Variants in UBE2D4 observed in about 807,000 individuals in gnomAD.
The protein encoded by UBE2D4 is ubiquitin-conjugating enzyme E2 D4.
Under a neutral mutation model 23.0 loss-of-function variants are expected in UBE2D4, and 17 were observed. The observed-to-expected ratio is 0.74, with a 90% CI of 0.51 to 1.11. The LOEUF is 1.11. Among genes scored for constraint, UBE2D4 ranks in the 50% least tolerant of loss-of-function variants. The pLI is 0.00. For missense variants in UBE2D4, 139 were observed against 181.8 expected (o/e 0.76, Z 1.35); for synonymous variants, 61 against 69.4 (o/e 0.88, Z 0.60).
At chr7:43,932,488 T>G (rs1414737008) in intron 1 of UBE2D4, among the ~76,000 whole-genome samples, 1 of 152,148 alleles carries the variant, frequency 6.6e-6, no homozygotes. Context: ...ACATGTACTT[T>G]AAAGAAAATT....
At chr7:43,941,815 A>T (rs1004945269) in intron 2 of UBE2D4, 1 of 152,228 alleles carries the variant, frequency 6.6e-6, no homozygotes, top group Non-Finnish European at 1.5e-5. Context: ...ACAGTGTCTC[A>T]CGCCTGTAAT....
At chr7:43,932,828 AT>A (rs1431801375) in intron 1 of UBE2D4, among the ~76,000 whole-genome samples, 1 of 150,910 alleles carries the variant, frequency 6.6e-6, no homozygotes, top group Non-Finnish European at 1.5e-5. Context: ...TAATAAAAAA[AT>A]AATAATAGAA....
At chr7:43,948,778 A>G (rs745781971) in intron 5 of UBE2D4, 41 bp downstream of exon 5, 2 of 1,464,774 alleles carry the variant, frequency 1.4e-6, no homozygotes, top group East Asian at 2.3e-5. Flanking sequence ...TCTTTTACAC[A>G]TGTTTTTACC....
chr7:43,950,580 CCTTTT>C lies in UBE2D4; in HGVS notation c.305-10_305-6del, dbSNP rs752320291. On this transcript the variant is annotated splice_polypyrimidine_tract_variant and intron_variant, in intron 5 of 6. Coordinates refer to ENST00000222402, the MANE Select transcript of UBE2D4 (RefSeq NM_015983.4). ...CAGCTTCGTGGCTACAGCTGACCAACCTTTTCTTTTCTTCCCAGTTCTCTTGTCCA... is the reference window on the plus strand; with the variant it reads ...CAGCTTCGTGGCTACAGCTGACCAACCTTTTCTTCCCAGTTCTCTTGTCCA... The C allele has an allele frequency of 4.4e-5, 71 of 1,611,424 alleles. No individual in the cohort carries two copies. Among genetic ancestry groups the C allele is most frequent in the Non-Finnish European group, 5.8e-5 (68 of 1,177,652 alleles).
chr7:43,937,790 G>A (rs2095961752), intron 1 of UBE2D4, among the ~76,000 whole-genome samples: 1 of 152,124 alleles, frequency 6.6e-6, no homozygotes, highest in African/African-American at 2.4e-5. Flanking sequence ...TTCAGGGTTG[G>A]TGTCCCATAA....
intron 1 of UBE2D4, among the ~76,000 whole-genome samples, chr7:43,935,607 G>A (rs1397605885): frequency 6.6e-6 from 1 of 152,238 alleles, no homozygotes; most frequent in Non-Finnish European, 1.5e-5. Flanking sequence ...ATGTGTTAAC[G>A]GATTTTAGTC....
chr7:43,937,912 T>A (rs1220212905), intron 1 of UBE2D4, among the ~76,000 whole-genome samples: 1 of 152,122 alleles, frequency 6.6e-6, no homozygotes, highest in African/African-American at 2.4e-5. Context: ...TAACCAGTGG[T>A]GACTAGGGTG....
At position 43,936,502 on chromosome 7, in the gene UBE2D4, T is replaced by A. The variant is rs76373572; in HGVS notation, c.25-1929T>A. ...TTACAATTAATAAAATATTTATATA[T>A]TTAATGATTTGGTAATAAATTCCCA... On this transcript the variant is annotated intron_variant, in intron 1 of 6. Transcript: ENST00000222402. 4.6e-3 allele frequency among the ~76,000 whole-genome samples: 695 copies of A among 152,302 alleles called. 4 individuals are homozygous for A. Among genetic ancestry groups the A allele is most frequent in the South Asian group, 0.022 (108 of 4,828 alleles).
At chr7:43,938,109 G>T (rs1316576081) in intron 1 of UBE2D4, among the ~76,000 whole-genome samples, 2 of 152,112 alleles carry the variant, frequency 1.3e-5, no homozygotes, top group African/African-American at 4.8e-5. Flanking sequence ...ACCTGAGGAG[G>T]TAGGAGGCTA....
rs771228380 is a variant in UBE2D4 at position 43,938,505 on chromosome 7, TG to T, written c.88+17del. On this transcript the variant is annotated intron_variant, in intron 2 of 6. Coordinates refer to ENST00000222402, the MANE Select transcript of UBE2D4 (RefSeq NM_015983.4). ...CTGTCGGTGATGACTGTAAGTATTT[TG>T]GGGGGCTTCAAGTTGTAGGAGCATT... 1 of 1,613,802 alleles carries T rather than the reference TG, an allele frequency of 6.2e-7. No homozygotes were observed. Among genetic ancestry groups the T allele is most frequent in the Non-Finnish European group, 8.5e-7 (1 of 1,179,756 alleles).
chr7:43,938,574 G>A (rs2095963797), intron 2 of UBE2D4, 80 bp downstream of exon 2: 14 of 1,405,634 alleles, frequency 1.0e-5, no homozygotes, highest in Admixed American at 1.7e-5. Context: ...GGTGGCTCAC[G>A]CCTGTAATCC....
chr7:43,948,775 C>T (rs1476023210), intron 5 of UBE2D4, 38 bp downstream of exon 5: 1 of 1,497,640 alleles, frequency 6.7e-7, no homozygotes, highest in African/African-American at 1.4e-5. Context: ...TGCTCTTTTA[C>T]ACATGTTTTT....
At position 43,952,536 on chromosome 7, in the gene UBE2D4, G is replaced by A. The variant is rs1242774193; in HGVS notation, c.399-114G>A. 5 of 950,234 alleles carry A rather than the reference G, an allele frequency of 5.3e-6. No homozygotes were observed. In the East Asian group the frequency reaches 9.7e-5, roughly 19 times the overall value. The allele number at this position is 950,234 out of a possible 1,614,324, so 58.9% of individuals were successfully genotyped here. On this transcript the variant is annotated intron_variant, in intron 6 of 6. Transcript: ENST00000222402. ...TTCCACTCACCCATCAGCCGTAGAT[G>A]TTTGACAAGCAGCAGCAGCAGCATT... is the stretch of plus-strand genomic sequence containing the variant.
At chr7:43,940,551 C>T (rs2132770202) in intron 2 of UBE2D4, among the ~76,000 whole-genome samples, 1 of 152,320 alleles carries the variant, frequency 6.6e-6, no homozygotes. Flanking sequence ...AGTCAGACCT[C>T]AGTGGATGAG....
chr7:43,951,198 C>T (rs556102117), intron 6 of UBE2D4, among the ~76,000 whole-genome samples: 15 of 152,336 alleles, frequency 9.8e-5, no homozygotes, highest in Admixed American at 7.8e-4. Flanking sequence ...TCATTGCCAG[C>T]TCTCTGTTTA....
intron 1 of UBE2D4, among the ~76,000 whole-genome samples, chr7:43,934,938 T>G (rs2095955274): frequency 6.6e-6 from 1 of 152,092 alleles, no homozygotes; most frequent in Non-Finnish European, 1.5e-5. Flanking sequence ...AATTAGCCCA[T>G]GTGGTATTTT....
rs182772602 is a variant in UBE2D4 at position 43,927,552 on chromosome 7, G to A, written c.24+996G>A. ...ACTCCTGGGCTTAAGCGGTCCTCTT[G>A]CCTCTGCCTCCTAAAGTGGCGGGAT... On this transcript the variant is annotated intron_variant, in intron 1 of 6. Coordinates refer to ENST00000222402, the MANE Select transcript of UBE2D4 (RefSeq NM_015983.4). Among the ~76,000 whole-genome samples, 734 of 152,246 alleles carry A rather than the reference G, an allele frequency of 4.8e-3. 5 individuals carry two copies. Among genetic ancestry groups the A allele is most frequent in the Middle Eastern group, 0.01 (3 of 294 alleles).
At chr7:43,952,414 T>A (rs1046802072) in intron 6 of UBE2D4, 4 of 473,962 alleles carry the variant, frequency 8.4e-6, no homozygotes, top group African/African-American at 7.8e-5. Flanking sequence ...CAGATAGTTA[T>A]GGAGAATCAA....
chr7:43,936,110 C>T (rs1019530473), intron 1 of UBE2D4, among the ~76,000 whole-genome samples: 4 of 152,100 alleles, frequency 2.6e-5, no homozygotes, highest in South Asian at 2.1e-4. Flanking sequence ...TGACATCAGG[C>T]GATCTGCCTA....
Sources: allele counts gnomAD v4.1 joint callset (sites outside exome capture counted in the v4.1 genomes callset), GRCh38; gene constraint gnomAD v4.1.1; transcripts MANE v1.5; gene names NCBI Gene and HGNC (gene_info 2026-07-23, HGNC 2026-07-21).